The following XKR6 variants were observed in gnomAD, a reference collection of about 807,000 sequenced individuals.
XKR6 encodes the protein XK-related protein 6.
XKR6 carries 22 observed loss-of-function variants against 56.7 expected under a neutral mutation model. The ratio of observed to expected loss-of-function variants is 0.39; its 90% CI spans 0.28 to 0.55. The LOEUF (loss-of-function observed/expected upper bound fraction) is 0.55, where lower values mean the gene tolerates loss of function less well. XKR6 is among the 20% of genes least tolerant of loss of function. The pLI is 0.66. For missense variants in XKR6, 852 were observed against 889.0 expected (o/e 0.96, Z 0.53); for synonymous variants, 524 against 387.8 (o/e 1.35, Z -4.13).
intron 1 of XKR6, among the ~76,000 whole-genome samples, chr8:11,051,390 A>T (rs1799544327): frequency 6.6e-6 from 1 of 152,080 alleles, no homozygotes; most frequent in Non-Finnish European, 1.5e-5. Context: ...CCAAAGTGAC[A>T]TCTCCAAGCC....
intron 1 of XKR6, among the ~76,000 whole-genome samples, chr8:11,117,051 G>C (rs1049422110): frequency 6.6e-6 from 1 of 152,192 alleles, no homozygotes; most frequent in African/African-American, 2.4e-5. Flanking sequence ...GAATTCTAGT[G>C]AGTTAGTTAC....
chr8:11,168,634 T>C (rs904488981), intron 1 of XKR6, among the ~76,000 whole-genome samples: 5 of 152,228 alleles, frequency 3.3e-5, no homozygotes, highest in Admixed American at 6.5e-5. Context: ...GAAGAGACTA[T>C]GTTTGTCCAC....
At chr8:11,163,578 T>A (rs941957831) in intron 1 of XKR6, among the ~76,000 whole-genome samples, 2 of 152,206 alleles carry the variant, frequency 1.3e-5, no homozygotes, top group African/African-American at 2.4e-5. Context: ...GGCAAACATT[T>A]AGAAAACTAA....
chr8:11,143,539 G>C (rs956654168), intron 1 of XKR6, among the ~76,000 whole-genome samples: 3 of 152,222 alleles, frequency 2.0e-5, no homozygotes, highest in Non-Finnish European at 2.9e-5. Flanking sequence ...TACAGATTAG[G>C]AGACTTAAAA....
At chr8:11,037,062 G>C (rs529843607) in intron 1 of XKR6, among the ~76,000 whole-genome samples, 30 of 152,278 alleles carry the variant, frequency 2.0e-4, no homozygotes, top group African/African-American at 7.2e-4. Flanking sequence ...TACTTATGAC[G>C]AGGCGTGGAT....
intron 1 of XKR6, among the ~76,000 whole-genome samples, chr8:11,086,322 G>C (rs922019503): frequency 3.3e-5 from 5 of 152,038 alleles, no homozygotes; most frequent in African/African-American, 1.2e-4. Flanking sequence ...GGACATTCTG[G>C]ATATTAAAGG....
chr8:11,116,798 T>C (rs530251295), intron 1 of XKR6, among the ~76,000 whole-genome samples: 1 of 152,212 alleles, frequency 6.6e-6, no homozygotes, highest in Non-Finnish European at 1.5e-5. Context: ...ATTTCCCCCT[T>C]TTTCCTTCAA....
At chr8:11,184,286 C>T (rs986928809) in intron 1 of XKR6, among the ~76,000 whole-genome samples, 5 of 151,870 alleles carry the variant, frequency 3.3e-5, no homozygotes, top group African/African-American at 1.2e-4. Flanking sequence ...TCATGCAGAC[C>T]CCTGGTACAG....
intron 1 of XKR6, among the ~76,000 whole-genome samples, chr8:11,133,704 C>G (rs766317641): frequency 1.3e-5 from 2 of 151,650 alleles, no homozygotes; most frequent in Non-Finnish European, 1.5e-5. Flanking sequence ...CTGAAATACC[C>G]TATGTTGAAA....
intron 1 of XKR6, among the ~76,000 whole-genome samples, chr8:11,061,625 C>T (rs1799837297): frequency 1.3e-5 from 2 of 152,166 alleles, no homozygotes; most frequent in South Asian, 4.1e-4. Context: ...ATTCATTCAA[C>T]ATGCCCTGAA....
At chr8:10,935,431 C>A (rs1801181616) in intron 1 of XKR6, among the ~76,000 whole-genome samples, 1 of 105,382 alleles carries the variant, frequency 9.5e-6, no homozygotes, top group Non-Finnish European at 2.0e-5. Context: ...TTATTTCTTG[C>A]CTTCTGCTAG....
rs754626690 is a variant in XKR6 at position 10,898,409 on chromosome 8, A to G, written c.1469T>C (p.Met490Thr). The G allele has an allele frequency of 2.4e-5, 38 of 1,614,000 alleles. No individual in the cohort carries two copies. Among genetic ancestry groups the G allele is most frequent in the Non-Finnish European group, 3.1e-5 (36 of 1,180,016 alleles). Residue 490 changes from methionine to threonine, a missense_variant, in exon 3 of 3, where the codon ATG becomes ACG. Transcript: ENST00000416569. This position sits in a 1 kb window ranked among gnomAD's most constrained non-coding sequence, Gnocchi z 6.6. ...CAGCACGCCATAGTATAAGAGCATC[A>G]TTGCGATCCCAGCCACAAAGCTAAT... ...VFISFVAGIAMMLLYYGVLHP... is the reference protein window; with the variant it reads ...VFISFVAGIATMLLYYGVLHP...
intron 1 of XKR6, among the ~76,000 whole-genome samples, chr8:11,188,682 C>A (rs1803398195): frequency 6.6e-6 from 1 of 152,174 alleles, no homozygotes; most frequent in African/African-American, 2.4e-5. Flanking sequence ...GTTGACTACT[C>A]AAAAGCTGTC....
At chr8:10,922,107 A>T (rs1309390139) in intron 2 of XKR6, among the ~76,000 whole-genome samples, 2 of 152,190 alleles carry the variant, frequency 1.3e-5, no homozygotes. Flanking sequence ...AGGCACCTTG[A>T]TCTTGGACTT....
chr8:11,129,729 A>C (rs1253921144), intron 1 of XKR6, among the ~76,000 whole-genome samples: 3 of 152,198 alleles, frequency 2.0e-5, no homozygotes, highest in Non-Finnish European at 2.9e-5. Flanking sequence ...ATTTGCATCT[A>C]ATTTTTTAAA....
At chr8:10,918,988 G>A (rs1456437471) in intron 2 of XKR6, among the ~76,000 whole-genome samples, 2 of 152,286 alleles carry the variant, frequency 1.3e-5, no homozygotes, top group Non-Finnish European at 1.5e-5. Context: ...TGAAAGAAAA[G>A]GGACCTTCTT....
At chr8:11,103,214 C>T (rs886407005) in intron 1 of XKR6, among the ~76,000 whole-genome samples, 1 of 152,174 alleles carries the variant, frequency 6.6e-6, no homozygotes, top group African/African-American at 2.4e-5. Flanking sequence ...ACAGAAACTA[C>T]AATTTGTTAC....
intron 1 of XKR6, among the ~76,000 whole-genome samples, chr8:11,150,713 T>C (rs1358327517): frequency 6.6e-5 from 10 of 151,684 alleles, no homozygotes; most frequent in Admixed American, 6.6e-4. Flanking sequence ...ATTAGCTGGG[T>C]GTGGTGGCGG....
intron 1 of XKR6, chr8:11,105,007 T>C (rs1221426714): frequency 6.6e-6 from 1 of 152,200 alleles, no homozygotes; most frequent in Non-Finnish European, 1.5e-5. Context: ...ATTCGGTTTT[T>C]AAAACAATGT....
Sources: gnomAD v4.1 joint callset for allele counts (sites outside exome capture counted in the v4.1 genomes callset) on GRCh38, gnomAD v4.1.1 for gene constraint, Gnocchi (gnomAD v3.1) non-coding constraint, MANE v1.5 for transcripts, NCBI Gene and HGNC (gene_info 2026-07-23, HGNC 2026-07-21) for gene names.